Variants in ZNF701 observed in about 807,000 individuals in gnomAD.
ZNF701 encodes the protein zinc finger protein 701.
ZNF701 carries 6 observed loss-of-function variants against 7.1 expected under a neutral mutation model. That is an observed-to-expected ratio of 0.84 (90% CI 0.46 to 1.66). ZNF701 has a LOEUF of 1.66. ZNF701 is among the 40% of genes most tolerant of loss of function. The pLI is 0.01. For missense variants in ZNF701, 541 were observed against 559.2 expected (o/e 0.97, Z 0.33); for synonymous variants, 166 against 188.2 (o/e 0.88, Z 0.97).
At chr19:52,595,533 G>A in the ZNF701 span, 1 of 544,938 alleles carries the variant, frequency 1.8e-6, no homozygotes, top group Admixed American at 3.2e-5. Flanking sequence ...TCCTCCCAAA[G>A]TGCTGGGACT....
chr19:52,574,249 G>C, intron 2 of ZNF701, 87 bp downstream of exon 2: 1 of 1,568,770 alleles, frequency 6.4e-7, no homozygotes, highest in Non-Finnish European at 8.7e-7. Context: ...TGAGTCTCAA[G>C]TGTCCTGCCT....
chr19:52,595,214 A>G, the ZNF701 span, among the ~76,000 whole-genome samples: 2 of 152,032 alleles, frequency 1.3e-5, no homozygotes, highest in African/African-American at 4.8e-5. Flanking sequence ...GACGTTTAAA[A>G]TAACTGTTGC....
the ZNF701 span, chr19:52,597,634 G>A: frequency 5.4e-5 from 19 of 350,432 alleles, no homozygotes; most frequent in African/African-American, 3.9e-4. Flanking sequence ...AGCCACACCT[G>A]GCTATGAGAG....
the ZNF701 span, chr19:52,596,962 C>T: frequency 4.2e-6 from 3 of 719,816 alleles, no homozygotes; most frequent in South Asian, 4.0e-5. Flanking sequence ...GGGAAGTCGT[C>T]ACTTTTTTAT....
At chr19:52,572,885 C>G (rs3786488) in intron 1 of ZNF701, among the ~76,000 whole-genome samples, 14,472 of 152,178 alleles carry the variant, frequency 0.095, 763 homozygotes, top group Middle Eastern at 0.2. Flanking sequence ...CTTCCCGTCT[C>G]AGGTCATTTT....
chr19:52,582,152 G>A (rs1385395217), intron 3 of ZNF701, 50 bp from the exon 4 acceptor site: 4 of 1,462,246 alleles, frequency 2.7e-6, no homozygotes, highest in East Asian at 2.3e-5. Flanking sequence ...TTTCAGTATT[G>A]TATAACTTCC....
intron 2 of ZNF701, among the ~76,000 whole-genome samples, chr19:52,574,911 C>T (rs1191067990): frequency 6.6e-6 from 1 of 152,134 alleles, no homozygotes; most frequent in Non-Finnish European, 1.5e-5. Context: ...TATCCTTTTC[C>T]ACCAAGATGA....
chr19:52,585,120 G>T lies in ZNF701; in HGVS notation c.*1663G>T, dbSNP rs536495676. On this transcript the variant is annotated 3_prime_UTR_variant, in exon 4 of 4. Coordinates refer to ENST00000391785, the MANE Select transcript of ZNF701 (RefSeq NM_018260.3). ...GTCTTTTCCTTTTGAGTTTAAAGTC[G>T]CCCTGAGGCTGGTCCCGTCCCGGTC... 4 of 152,182 alleles carry T rather than the reference G, an allele frequency of 2.6e-5. No homozygotes were observed. The highest frequency in any genetic ancestry group is 3.9e-4 in the East Asian group (2 of 5,194). 9.4% of individuals were successfully genotyped at this position (152,182 alleles called of 1,614,324 possible). A position where few individuals can be genotyped will look rare whatever the true frequency, so the allele number is the denominator to read the frequency against.
At chr19:52,572,052 A>G (rs951289724) in intron 1 of ZNF701, among the ~76,000 whole-genome samples, 1 of 151,810 alleles carries the variant, frequency 6.6e-6, no homozygotes, top group Non-Finnish European at 1.5e-5. Flanking sequence ...TGAACTCCTG[A>G]CCTCAGGTGA....
In ZNF701 at chr19:52,583,201, C is replaced by T. The variant is rs200911816; in HGVS notation, c.1142C>T (p.Pro381Leu). The T allele has an allele frequency of 1.6e-4, 253 of 1,613,372 alleles. No individual in the cohort carries two copies. The highest frequency in any genetic ancestry group is 2.0e-4 in the Non-Finnish European group (233 of 1,179,676). The change falls in exon 4 of 4, where the codon CCT becomes CTT. Residue 381 changes from proline to leucine, a missense_variant. Physicochemically the swap from Pro to Leu is moderately conservative, Grantham distance 98. Coordinates refer to ENST00000391785, the MANE Select transcript of ZNF701 (RefSeq NM_018260.3). ...QHTVIHTGEK[P>L]YKCNECGKTF... ...ACTGTAATTCACACTGGAGAGAAAC[C>T]TTACAAGTGTAATGAGTGTGGCAAG... is the stretch of plus-strand genomic sequence containing the variant.
chr19:52,593,592 C>T, the ZNF701 span, among the ~76,000 whole-genome samples: 1 of 114,134 alleles, frequency 8.8e-6, no homozygotes, highest in East Asian at 2.3e-4. Context: ...ACGCTCCTCA[C>T]TTCCCAGACG....
chr19:52,587,660 C>T (rs577187612), downstream of ZNF701, among the ~76,000 whole-genome samples: 12 of 152,184 alleles, frequency 7.9e-5, no homozygotes, highest in Admixed American at 3.9e-4. Context: ...AGAACAAGTC[C>T]GTAAGCGGAG....
At chr19:52,580,957 C>T (rs1372542928) in intron 3 of ZNF701, among the ~76,000 whole-genome samples, 1 of 80,274 alleles carries the variant, frequency 1.2e-5, no homozygotes, top group African/African-American at 2.9e-5. Context: ...AACCCCATCT[C>T]TACTAAAAAT....
chr19:52,574,217 T>C (rs967439734), intron 2 of ZNF701, 55 bp downstream of exon 2: 1 of 1,597,940 alleles, frequency 6.3e-7, no homozygotes, highest in Non-Finnish European at 8.6e-7. Context: ...GAAATGCTGA[T>C]CTTGGAGTTG....
chr19:52,588,988 T>C (rs1446369028), downstream of ZNF701, among the ~76,000 whole-genome samples: 1 of 152,172 alleles, frequency 6.6e-6, no homozygotes, highest in Admixed American at 6.6e-5. Context: ...TGTAATCTCC[T>C]TGACGGTTTT....
At chr19:52,574,583 G>GA (rs2146980506) in intron 2 of ZNF701, among the ~76,000 whole-genome samples, 1 of 152,230 alleles carries the variant, frequency 6.6e-6, no homozygotes, top group Non-Finnish European at 1.5e-5. Flanking sequence ...ACCAATAAGG[G>GA]AAAATCTTTT....
In ZNF701 at chr19:52,574,164, T is replaced by A; in HGVS notation, c.15+2T>A. 6.2e-7 allele frequency: 1 copy of A among 1,609,616 alleles called. No individual in the cohort carries two copies. ...GAGTCAGGGATGGCTCTTCTTCAGG[T>A]GAGATGATATTCTCGGGGGATTGTT... On this transcript the variant is annotated splice_donor_variant, in intron 2 of 3. Coordinates refer to ENST00000391785, the MANE Select transcript of ZNF701 (RefSeq NM_018260.3). LOFTEE classifies it high-confidence loss of function.
chr19:52,574,795 A>G (rs1388461257), intron 2 of ZNF701, among the ~76,000 whole-genome samples: 1 of 152,168 alleles, frequency 6.6e-6, no homozygotes, highest in African/African-American at 2.4e-5. Context: ...AATTAAGCTG[A>G]TGGAGACAGT....
chr19:52,591,647 C>T (rs927114063), downstream of ZNF701, among the ~76,000 whole-genome samples: 1 of 152,156 alleles, frequency 6.6e-6, no homozygotes, highest in African/African-American at 2.4e-5. Flanking sequence ...CACCACCACA[C>T]CTGTGTTCAA....
Sources: allele counts gnomAD v4.1 joint callset (sites outside exome capture counted in the v4.1 genomes callset), GRCh38; gene constraint gnomAD v4.1.1; transcripts MANE v1.5; gene names NCBI Gene and HGNC (gene_info 2026-07-23, HGNC 2026-07-21).